Variants in PAPPA observed in about 807,000 individuals in gnomAD.
PAPPA encodes the protein pappalysin 1, also known as pappalysin-1.
A neutral mutation model predicts 164.0 loss-of-function variants in PAPPA; 60 were observed. The ratio of observed to expected loss-of-function variants is 0.37; its 90% CI spans 0.30 to 0.45. The LOEUF is 0.45. Ranked by LOEUF, PAPPA falls within the 20% of genes least tolerant of loss-of-function variation. The pLI is 1.00. For missense variants in PAPPA, 1,782 were observed against 2,087.3 expected (o/e 0.85, Z 2.85); for synonymous variants, 875 against 814.1 (o/e 1.07, Z -1.27).
chr9:116,304,370 A>G (rs986941381), intron 10 of PAPPA, among the ~76,000 whole-genome samples: 2 of 152,240 alleles, frequency 1.3e-5, no homozygotes, highest in Non-Finnish European at 2.9e-5. Flanking sequence ...ACTGACAGAA[A>G]ACACTCACGC....
chr9:116,310,204 T>G (rs901807215), intron 10 of PAPPA, among the ~76,000 whole-genome samples: 2 of 152,218 alleles, frequency 1.3e-5, no homozygotes, highest in South Asian at 4.1e-4. Context: ...TTGCCTGCTC[T>G]GCCTGCTATG....
At chr9:116,352,414 TGTGA>T (rs1267098400) in intron 15 of PAPPA, among the ~76,000 whole-genome samples, 20 of 152,242 alleles carry the variant, frequency 1.3e-4, no homozygotes, top group East Asian at 1.9e-4. Flanking sequence ...ATTCAAGGAT[TGTGA>T]GTGTGTCTTT....
At chr9:116,173,763 G>T (rs983723892) in intron 1 of PAPPA, among the ~76,000 whole-genome samples, 1 of 152,110 alleles carries the variant, frequency 6.6e-6, no homozygotes. Flanking sequence ...CTCATGCAAG[G>T]CTCGGCTCTT....
chr9:116,244,635 G>T (rs1175980353), intron 7 of PAPPA, among the ~76,000 whole-genome samples: 1 of 152,094 alleles, frequency 6.6e-6, no homozygotes, highest in Non-Finnish European at 1.5e-5. Context: ...ATAAGAAGGA[G>T]CCAGACTATT....
rs367803158 is a variant in PAPPA, at chr9:116,365,352, G to A, written c.4496-2293G>A. On this transcript the variant is annotated intron_variant, in intron 18 of 21. Coordinates refer to ENST00000328252, the MANE Select transcript of PAPPA (RefSeq NM_002581.5). Reference sequence around the variant, plus strand: ...CTGCCACCCTCCCCGCGCCTCCCGGGAAGGAGACGCGGAGGCCTGGTGAGA... The same window carrying A: ...CTGCCACCCTCCCCGCGCCTCCCGGAAAGGAGACGCGGAGGCCTGGTGAGA... 2.4e-4 allele frequency among the ~76,000 whole-genome samples: 37 copies of A among 152,214 alleles called. 1 individual carries two copies. The South Asian group carries it at 7.5e-3, about 31-fold the overall frequency.
chr9:116,302,556 A>ACATGG (rs775239715), intron 9 of PAPPA, among the ~76,000 whole-genome samples: 6 of 151,840 alleles, frequency 4.0e-5, no homozygotes, highest in Non-Finnish European at 7.4e-5. Flanking sequence ...ATCTCCTTGA[A>ACATGG]CATGGTTCAT....
chr9:116,308,169 T>A (rs2118901983), intron 10 of PAPPA, among the ~76,000 whole-genome samples: 1 of 152,336 alleles, frequency 6.6e-6, no homozygotes, highest in Non-Finnish European at 1.5e-5. Flanking sequence ...AAGTACTGGT[T>A]CTTTTTCTGC....
At chr9:116,184,708 G>A (rs973024093) in intron 1 of PAPPA, among the ~76,000 whole-genome samples, 2 of 152,156 alleles carry the variant, frequency 1.3e-5, no homozygotes, top group African/African-American at 4.8e-5. Flanking sequence ...ATTACCCTGA[G>A]TGCAAAGATC....
chr9:116,316,253 G>GA (rs1845786525), intron 10 of PAPPA: 1 of 152,254 alleles, frequency 6.6e-6, no homozygotes, highest in Admixed American at 6.5e-5. Context: ...AGATATTAGA[G>GA]TTTATGAAGG....
intron 2 of PAPPA, among the ~76,000 whole-genome samples, chr9:116,194,416 A>T (rs1208659921): frequency 1.3e-5 from 2 of 152,218 alleles, no homozygotes; most frequent in Non-Finnish European, 2.9e-5. Flanking sequence ...TTTTCCAGTA[A>T]TCATGTAAAA....
intron 1 of PAPPA, among the ~76,000 whole-genome samples, chr9:116,181,068 C>A (rs1001059218): frequency 1.3e-5 from 2 of 152,106 alleles, no homozygotes; most frequent in Non-Finnish European, 2.9e-5. Context: ...CTCAAAACAG[C>A]AATTGAGTAA....
At chr9:116,206,628 C>A (rs1422636660) in intron 2 of PAPPA, among the ~76,000 whole-genome samples, 1 of 152,154 alleles carries the variant, frequency 6.6e-6, no homozygotes, top group Non-Finnish European at 1.5e-5. Context: ...ACCTCGCCTT[C>A]CCCCAGGTGG....
rs1844427504 is a variant in PAPPA at position 116,220,235 on chromosome 9, T to C, written c.2111+106T>C. On this transcript the variant is annotated intron_variant, in intron 5 of 21. Transcript: ENST00000328252. Reference sequence around the variant, plus strand: ...GAGAGGGATTTTACTGCATTTCTTGTTCTTGTTCAAAAGGTATCTCCACCA... The same window carrying C: ...GAGAGGGATTTTACTGCATTTCTTGCTCTTGTTCAAAAGGTATCTCCACCA... 6.9e-6 allele frequency: 6 copies of C among 865,634 alleles called. No homozygotes were observed. In the Admixed American group the frequency reaches 9.4e-5, roughly 14 times the overall value. 53.6% of individuals were successfully genotyped at this position (865,634 alleles called of 1,614,324 possible).
chr9:116,329,386 C>T (rs1008837898), intron 10 of PAPPA, among the ~76,000 whole-genome samples: 3 of 151,936 alleles, frequency 2.0e-5, no homozygotes, highest in Non-Finnish European at 4.4e-5. Context: ...ATGATGTAAA[C>T]CAAAACCACC....
chr9:116,228,330 C>T (rs1025406785), intron 6 of PAPPA, among the ~76,000 whole-genome samples: 3 of 152,090 alleles, frequency 2.0e-5, no homozygotes, highest in African/African-American at 7.2e-5. Context: ...ACACATAGAC[C>T]CTGCCCCCAC....
chr9:116,167,749 T>G (rs1295292245), intron 1 of PAPPA, among the ~76,000 whole-genome samples: 1 of 152,204 alleles, frequency 6.6e-6, no homozygotes, highest in Non-Finnish European at 1.5e-5. Flanking sequence ...AGAGCCAATA[T>G]TAAGCTCTCA....
chr9:116,199,089 A>G (rs1205534278), intron 2 of PAPPA, among the ~76,000 whole-genome samples: 5 of 152,188 alleles, frequency 3.3e-5, no homozygotes, highest in African/African-American at 1.2e-4. Flanking sequence ...ATATCCCAAA[A>G]GTCTAAGAAC....
In PAPPA at chr9:116,162,552, T is replaced by C. The variant is rs148684398; in HGVS notation, c.415+7965T>C. Among the ~76,000 whole-genome samples, 6 of 152,326 alleles carry C rather than the reference T, an allele frequency of 3.9e-5. No homozygotes were observed. In the East Asian group the frequency reaches 9.6e-4, roughly 24 times the overall value. ...GTCAAACCCTGACTATTGCACCTGC[T>C]GGTTGTGTGACCTTGGGCAAGTTAC... On this transcript the variant is annotated intron_variant, in intron 1 of 21. Transcript: ENST00000328252.
intron 10 of PAPPA, among the ~76,000 whole-genome samples, chr9:116,318,876 A>G (rs1041635189): frequency 1.3e-5 from 2 of 152,146 alleles, no homozygotes; most frequent in African/African-American, 4.8e-5. Context: ...CTTGAGGCCC[A>G]GCCGCCGACC....
Sources: gnomAD v4.1 joint callset for allele counts (sites outside exome capture counted in the v4.1 genomes callset) on GRCh38, gnomAD v4.1.1 for gene constraint, MANE v1.5 for transcripts, NCBI Gene and HGNC (gene_info 2026-07-23, HGNC 2026-07-21) for gene names.